Variants in CR1 observed in about 807,000 individuals in gnomAD.
The protein encoded by CR1 is complement C3b/C4b receptor 1 (Knops blood group).
In CR1, 116 loss-of-function variants were observed where a neutral mutation model predicts 187.3. The ratio of observed to expected loss-of-function variants is 0.62; its 90% CI spans 0.53 to 0.72. The LOEUF (loss-of-function observed/expected upper bound fraction) is 0.72. Ranked by LOEUF, CR1 falls within the 30% of genes least tolerant of loss-of-function variation. The pLI, the probability that CR1 is intolerant of heterozygous loss-of-function variation, is 0.00. For missense variants in CR1, 1,731 were observed against 2,110.7 expected, an observed-to-expected ratio of 0.82 and a Z score of 3.52; for synonymous variants, 576 against 747.1, an observed-to-expected ratio of 0.77 and a Z score of 3.73.
At chr1:207,613,382 A>G (rs1168628895) in intron 39 of CR1, among the ~76,000 whole-genome samples, 2 of 152,190 alleles carry the variant, frequency 1.3e-5, no homozygotes, top group Non-Finnish European at 2.9e-5. Context: ...TGGGCACAAC[A>G]GTGTAAAAAA....
In CR1 at chr1:207,520,020, G is replaced by T. The variant is rs56407145; in HGVS notation, c.488-3591G>T. ...GGCTTTAGGCTAAACTTGATTTAACGATTTACATATATTCTATATTTCAAA... is the reference window on the plus strand; with the variant it reads ...GGCTTTAGGCTAAACTTGATTTAACTATTTACATATATTCTATATTTCAAA... On this transcript the variant is annotated intron_variant, in intron 4 of 46. Transcript: ENST00000367049. Among the ~76,000 whole-genome samples the T allele has an allele frequency of 7.4e-4, 112 of 152,304 alleles. 2 individuals carry two copies. In the South Asian group the frequency reaches 0.023, roughly 31 times the overall value.
chr1:207,640,913 A>G lies in CR1; in HGVS notation c.*1504A>G, dbSNP rs1423048690. On this transcript the variant is annotated 3_prime_UTR_variant, in exon 47 of 47. Transcript: ENST00000367049. ...CAATTTAAAATCATGGAAGAGAGGG[A>G]AAAAAAACCAGCTTAAGAAAAATCA... 1.3e-5 allele frequency: 2 copies of G among 152,018 alleles called. No homozygotes were observed. Among genetic ancestry groups the G allele is most frequent in the Non-Finnish European group, 2.9e-5 (2 of 67,992 alleles). The allele number at this position is 152,018 out of a possible 1,614,324, so 9.4% of individuals were successfully genotyped here.
intron 23 of CR1, 107 bp from the exon 24 acceptor site, chr1:207,565,731 T>G (rs1340503961): frequency 4.8e-6 from 7 of 1,455,946 alleles, no homozygotes; most frequent in Middle Eastern, 2.1e-4. Context: ...TGCCATCTGC[T>G]GGCCTCAGAT....
At chr1:207,511,744 G>A (rs1659626053) in intron 4 of CR1, 90 bp downstream of exon 4, 1 of 1,283,088 alleles carries the variant, frequency 7.8e-7, no homozygotes, top group Non-Finnish European at 1.1e-6. Context: ...TTCCTTCTGT[G>A]CAATCTGTCC....
At chr1:207,589,655 TAAC>T (rs1262884968) in intron 35 of CR1, among the ~76,000 whole-genome samples, 1 of 152,128 alleles carries the variant, frequency 6.6e-6, no homozygotes, top group Non-Finnish European at 1.5e-5. Context: ...AGGTGGGTAA[TAAC>T]AAACTCCTCT....
At chr1:207,509,621 C>G (rs1390242921) in intron 3 of CR1, among the ~76,000 whole-genome samples, 4 of 152,076 alleles carry the variant, frequency 2.6e-5, no homozygotes, top group East Asian at 1.9e-4. Context: ...CAACACTGAA[C>G]AATAGTATGG....
chr1:207,577,253 C>G (rs1473659375), intron 28 of CR1, among the ~76,000 whole-genome samples: 1 of 124,328 alleles, frequency 8.0e-6, no homozygotes, highest in African/African-American at 3.0e-5. Context: ...TCTGTTAAAA[C>G]AAACAAACAA....
rs140681893 is a variant in CR1 at position 207,608,728 on chromosome 1, T to C, written c.5897-562T>C. Among the ~76,000 whole-genome samples, 414 of 152,310 alleles carry C rather than the reference T, an allele frequency of 2.7e-3. 5 individuals carry two copies. Among genetic ancestry groups the C allele is most frequent in the African/African-American group, 9.1e-3 (380 of 41,584 alleles). ...TTCCACTTCTACATTTATAGGTCAG[T>C]GATCATTTAATTGAGTCAATACTGG... On this transcript the variant is annotated intron_variant, in intron 36 of 46. Transcript: ENST00000367049.
chr1:207,586,404 G>A (rs1318328426), intron 33 of CR1, among the ~76,000 whole-genome samples: 2 of 152,182 alleles, frequency 1.3e-5, no homozygotes, highest in Non-Finnish European at 2.9e-5. Flanking sequence ...CCAAAGTGCT[G>A]GGACTACAAG....
Position 207,521,782 on chromosome 1 carries a change from C to T in CR1, c.488-1829C>T, listed in dbSNP as rs1660004454. On this transcript the variant is annotated intron_variant, in intron 4 of 46. Coordinates refer to ENST00000367049, the MANE Select transcript of CR1 (RefSeq NM_000651.6). ...CTGAGTAGCTGGGAATGCAGGTGTG[C>T]ACCACCACACCTACACATCTGGATA... 2.1e-5 allele frequency among the ~76,000 whole-genome samples: 3 copies of T among 145,862 alleles called. No individual in the cohort carries two copies. In the South Asian group the frequency reaches 6.6e-4, roughly 32 times the overall value.
intron 46 of CR1, among the ~76,000 whole-genome samples, chr1:207,637,732 CT>C: frequency 6.6e-6 from 1 of 152,346 alleles, no homozygotes; most frequent in South Asian, 2.1e-4. Flanking sequence ...TACCCATACA[CT>C]ATCATTAACA....
chr1:207,581,169 T>A (rs1660926969), intron 31 of CR1, among the ~76,000 whole-genome samples: 2 of 151,020 alleles, frequency 1.3e-5, no homozygotes, highest in Admixed American at 6.6e-5. Flanking sequence ...CATGTACATG[T>A]GTATACATAT....
At chr1:207,626,946 G>A (rs372579774) in intron 45 of CR1, among the ~76,000 whole-genome samples, 4 of 152,192 alleles carry the variant, frequency 2.6e-5, no homozygotes, top group Non-Finnish European at 2.9e-5. Flanking sequence ...GCTGAGGCAG[G>A]AGAATTGCTT....
intron 33 of CR1, among the ~76,000 whole-genome samples, chr1:207,586,124 TTGTGTGTG>T (rs3219612): frequency 6.7e-6 from 1 of 150,038 alleles, no homozygotes; most frequent in Non-Finnish European, 1.5e-5. Flanking sequence ...TTGTTTTGTT[TTGTGTGTG>T]TGTGTGTGTG....
rs116839798 is a variant in CR1 at position 207,613,935 on chromosome 1, G to T, written c.6576-469G>T. Among the ~76,000 whole-genome samples the T allele has an allele frequency of 3.0e-3, 458 of 152,216 alleles. 2 individuals carry two copies. The highest frequency in any genetic ancestry group is 9.0e-3 in the African/African-American group (372 of 41,526). ...TACAGTTGTAGTAGCAAGAAGAACA[G>T]TGCCCGTTCTCTTTCTAGATGTTCC... On this transcript the variant is annotated intron_variant, in intron 39 of 46. Transcript: ENST00000367049.
In CR1 at chr1:207,621,974, T is replaced by A. The variant is rs754667595; in HGVS notation, c.7254T>A (p.Arg2418=). The A allele has an allele frequency of 1.9e-6, 3 of 1,598,532 alleles. No individual in the cohort carries two copies. Among genetic ancestry groups the A allele is most frequent in the Admixed American group, 3.5e-5 (2 of 57,924 alleles). The change falls in exon 44 of 47, where the codon CGT becomes CGA. Residue 2418 remains arginine (R), a splice_region_variant and synonymous_variant. Transcript: ENST00000367049. ...WDPPLAKCTS[R]THDALIVGTL... ...TTGTGACTTTTGTCTTCCTTTTAGG[T>A]ACACATGATGCTCTCATAGTTGGTA... is the stretch of plus-strand genomic sequence containing the variant.
At chr1:207,524,843 T>C (rs1435509403) in intron 5 of CR1, among the ~76,000 whole-genome samples, 1 of 151,864 alleles carries the variant, frequency 6.6e-6, no homozygotes, top group Non-Finnish European at 1.5e-5. Flanking sequence ...CTCTAGATAC[T>C]TTCAAGGAGG....
chr1:207,628,451 A>G (rs761548864), intron 45 of CR1, among the ~76,000 whole-genome samples: 4 of 152,192 alleles, frequency 2.6e-5, no homozygotes, highest in Non-Finnish European at 4.4e-5. Flanking sequence ...TTATAGGTTT[A>G]TTTACCATTT....
At chr1:207,616,968 GCT>G (rs1287989223) in intron 41 of CR1, among the ~76,000 whole-genome samples, 166 bp downstream of exon 41, 1 of 152,184 alleles carries the variant, frequency 6.6e-6, no homozygotes, top group Non-Finnish European at 1.5e-5. Flanking sequence ...AGATAGGCAC[GCT>G]GTCTCAATTG....
Sources: gnomAD v4.1 joint callset for allele counts (sites outside exome capture counted in the v4.1 genomes callset) on GRCh38, gnomAD v4.1.1 for gene constraint, MANE v1.5 for transcripts, NCBI Gene and HGNC (gene_info 2026-07-23, HGNC 2026-07-21) for gene names.